Variants in RALGAPB observed in about 807,000 individuals in gnomAD.
The protein encoded by RALGAPB is Ral GTPase activating protein non-catalytic subunit beta.
Under a neutral mutation model 161.1 loss-of-function variants are expected in RALGAPB, and 25 were observed. The ratio of observed to expected loss-of-function variants is 0.16; its 90% CI spans 0.11 to 0.22. RALGAPB has a LOEUF of 0.22. RALGAPB is among the 10% of genes least tolerant of loss of function. The pLI is 1.00. For missense variants in RALGAPB, 1,391 were observed against 1,815.2 expected (o/e 0.77, Z 4.25); for synonymous variants, 629 against 626.1 (o/e 1.00, Z -0.07).
chr20:38,482,488 C>T (rs1013971585), intron 1 of RALGAPB, among the ~76,000 whole-genome samples: 19 of 134,282 alleles, frequency 1.4e-4, no homozygotes, highest in African/African-American at 4.4e-4. Context: ...AGTGCAGTGG[C>T]GCCATCTCGG....
In RALGAPB at chr20:38,546,232, A is replaced by C. The variant is rs376641958; in HGVS notation, c.2715-11A>C. 2.8e-4 allele frequency: 456 copies of C among 1,613,504 alleles called. 1 individual carries two copies. Among genetic ancestry groups the C allele is most frequent in the Non-Finnish European group, 3.8e-4 (443 of 1,179,578 alleles). ...TTGGGAATTAACTGTTATCTTTTCC[A>C]TTCTCCATAGCATTATGCAGTTGCT... On this transcript the variant is annotated splice_polypyrimidine_tract_variant and intron_variant, in intron 18 of 29. Coordinates refer to ENST00000262879, the MANE Select transcript of RALGAPB (RefSeq NM_020336.4).
chr20:38,483,109 A>G (rs926806024), intron 1 of RALGAPB, among the ~76,000 whole-genome samples: 1 of 152,184 alleles, frequency 6.6e-6, no homozygotes, highest in Non-Finnish European at 1.5e-5. Flanking sequence ...GGCTAGTCTC[A>G]AAGTCTTGGA....
chr20:38,565,338 A>G (rs765545953), intron 24 of RALGAPB, 21 bp from the exon 25 acceptor site: 3 of 1,612,242 alleles, frequency 1.9e-6, no homozygotes, highest in Non-Finnish European at 2.5e-6. Flanking sequence ...GCGGTAATGT[A>G]GTGTTTCTTT....
chr20:38,508,523 A>T (rs952107562), intron 5 of RALGAPB, among the ~76,000 whole-genome samples: 1 of 152,146 alleles, frequency 6.6e-6, no homozygotes, highest in Non-Finnish European at 1.5e-5. Flanking sequence ...TATATAAAAG[A>T]TAGGGACAGC....
At chr20:38,550,020 C>G (rs1353903959) in intron 20 of RALGAPB, among the ~76,000 whole-genome samples, 1 of 152,154 alleles carries the variant, frequency 6.6e-6, no homozygotes, top group Non-Finnish European at 1.5e-5. Context: ...TGGAAATCAT[C>G]ATTCTCAGTA....
At chr20:38,567,443 T>C (rs2088048017) in intron 26 of RALGAPB, among the ~76,000 whole-genome samples, 2 of 152,354 alleles carry the variant, frequency 1.3e-5, no homozygotes, top group South Asian at 4.1e-4. Context: ...TGGTTTCTCT[T>C]GATTTCACCA....
Position 38,505,049 on chromosome 20 carries a change from A to G in RALGAPB, c.741-4028A>G, listed in dbSNP as rs183517316. On this transcript the variant is annotated intron_variant, in intron 5 of 29. Transcript: ENST00000262879. ...TTCTCAAAGAACTTAAAATACGACT[A>G]CCATTCAACCCAGCTATCCCATTGC... 4.6e-5 allele frequency among the ~76,000 whole-genome samples: 7 copies of G among 152,342 alleles called. No individual in the cohort carries two copies. The South Asian group carries it at 1.2e-3, about 27-fold the overall frequency.
chr20:38,556,771 A>G (rs1055216332), intron 22 of RALGAPB, among the ~76,000 whole-genome samples: 4 of 152,168 alleles, frequency 2.6e-5, no homozygotes, highest in African/African-American at 9.7e-5. Flanking sequence ...CTGATCTACA[A>G]GGTGTATTGC....
chr20:38,513,559 G>A (rs2086035871), intron 6 of RALGAPB, among the ~76,000 whole-genome samples: 1 of 151,692 alleles, frequency 6.6e-6, no homozygotes, highest in Non-Finnish European at 1.5e-5. Context: ...CTGAAGCACA[G>A]GGATTGCTTG....
At chr20:38,570,240 T>G (rs1264066957) in intron 27 of RALGAPB, among the ~76,000 whole-genome samples, 1 of 152,156 alleles carries the variant, frequency 6.6e-6, no homozygotes, top group East Asian at 1.9e-4. Context: ...ATACAAAGCT[T>G]TTGGCTATTC....
Position 38,521,543 on chromosome 20 carries a change from A to G in RALGAPB, c.1464A>G (p.Gln488=). 2.5e-6 allele frequency: 4 copies of G among 1,614,148 alleles called. No homozygotes were observed. The highest frequency in any genetic ancestry group is 4.5e-5 in the East Asian group (2 of 44,880). ...ASMEFRRKGS[Q]MSTDTMVSNP... Reference sequence around the variant, plus strand: ...TGGAGTTTCGACGGAAAGGGTCACAAATGTCCACAGACACCATGGTTTCCA... The same window carrying G: ...TGGAGTTTCGACGGAAAGGGTCACAGATGTCCACAGACACCATGGTTTCCA... Residue 488 remains glutamine (Q), a synonymous_variant, in exon 10 of 30, where the codon CAA becomes CAG. Transcript: ENST00000262879.
intron 18 of RALGAPB, 62 bp downstream of exon 18, chr20:38,541,254 GT>G (rs1164316033): frequency 1.3e-6 from 2 of 1,486,336 alleles, no homozygotes; most frequent in African/African-American, 2.8e-5. Context: ...AGTGATCCAT[GT>G]TGTTTCATTT....
At chr20:38,537,103 T>C (rs1291478356) in intron 16 of RALGAPB, among the ~76,000 whole-genome samples, 4 of 152,200 alleles carry the variant, frequency 2.6e-5, no homozygotes, top group Non-Finnish European at 5.9e-5. Context: ...ATTTGATGAT[T>C]TACTGTAAGG....
chr20:38,535,933 G>T (rs1052999881), intron 16 of RALGAPB, among the ~76,000 whole-genome samples: 12 of 152,056 alleles, frequency 7.9e-5, no homozygotes, highest in African/African-American at 2.9e-4. Flanking sequence ...TCAGTTTTTT[G>T]GAAACTTAGA....
chr20:38,473,652 C>T (rs563352285), intron 1 of RALGAPB, among the ~76,000 whole-genome samples: 89 of 152,266 alleles, frequency 5.8e-4, no homozygotes, highest in African/African-American at 1.9e-3. Flanking sequence ...CTTAATTACC[C>T]AAGGTCACAT....
intron 26 of RALGAPB, 99 bp downstream of exon 26, chr20:38,567,331 T>G (rs368457271): frequency 2.1e-6 from 3 of 1,446,724 alleles, no homozygotes; most frequent in East Asian, 2.4e-5. Flanking sequence ...AGTATTTATA[T>G]CAGAGTACTG....
At chr20:38,529,353 A>G (rs2086576458) in intron 13 of RALGAPB, among the ~76,000 whole-genome samples, 1 of 151,326 alleles carries the variant, frequency 6.6e-6, no homozygotes, top group African/African-American at 2.4e-5. Context: ...CCCTGTATCT[A>G]CTAAAAATAC....
At chr20:38,539,030 A>G (rs893151710) in intron 16 of RALGAPB, among the ~76,000 whole-genome samples, 1 of 152,376 alleles carries the variant, frequency 6.6e-6, no homozygotes, top group East Asian at 1.9e-4. Flanking sequence ...TGGTATATCC[A>G]TGCAGTGGAC....
chr20:38,560,376 G>A (rs985611876), intron 23 of RALGAPB, among the ~76,000 whole-genome samples: 14 of 152,190 alleles, frequency 9.2e-5, no homozygotes, highest in African/African-American at 3.1e-4. Context: ...TTTAAGGTGT[G>A]CCTTAACTGT....
Sources: gnomAD v4.1 joint callset for allele counts (sites outside exome capture counted in the v4.1 genomes callset) on GRCh38, gnomAD v4.1.1 for gene constraint, MANE v1.5 for transcripts, NCBI Gene and HGNC (gene_info 2026-07-23, HGNC 2026-07-21) for gene names.